The following KCNMA1 variants were observed in gnomAD, a reference collection of about 807,000 sequenced individuals.
KCNMA1 encodes potassium calcium-activated channel subfamily M alpha 1.
In KCNMA1, 29 loss-of-function variants were observed where a neutral mutation model predicts 140.0. The observed-to-expected ratio is 0.21, with a 90% CI of 0.15 to 0.28. The LOEUF (loss-of-function observed/expected upper bound fraction) is 0.28. KCNMA1 is among the 10% of genes least tolerant of loss of function. KCNMA1 has a pLI of 1.00. For synonymous variants in KCNMA1, 612 were observed against 611.9 expected, an observed-to-expected ratio of 1.00 and a Z score of 0.00; for missense variants, 880 against 1,602.2, an observed-to-expected ratio of 0.55 and a Z score of 7.70.
chr10:77,541,215 T>A (rs371180019), intron 1 of KCNMA1, among the ~76,000 whole-genome samples: 1 of 152,224 alleles, frequency 6.6e-6, no homozygotes, highest in East Asian at 1.9e-4. Context: ...TAAACGTACC[T>A]ATTAAAAGAC....
At chr10:77,235,428 C>G (rs2154214366) in intron 3 of KCNMA1, among the ~76,000 whole-genome samples, 1 of 152,226 alleles carries the variant, frequency 6.6e-6, no homozygotes. Flanking sequence ...CACAGAGGAC[C>G]ATTCATCAGG....
intron 6 of KCNMA1, among the ~76,000 whole-genome samples, chr10:77,114,400 G>A (rs2097400802): frequency 6.6e-6 from 1 of 152,190 alleles, no homozygotes; most frequent in Non-Finnish European, 1.5e-5. Context: ...CCTGAACGCT[G>A]CTGTCAGCAG....
chr10:77,239,591 G>A (rs1565429016), intron 3 of KCNMA1, among the ~76,000 whole-genome samples: 3 of 152,128 alleles, frequency 2.0e-5, no homozygotes, highest in African/African-American at 4.8e-5. Flanking sequence ...TGTCTTCCAC[G>A]GGGAAAAGAG....
At chr10:77,568,198 A>G (rs1011098001) in intron 1 of KCNMA1, among the ~76,000 whole-genome samples, 3 of 152,184 alleles carry the variant, frequency 2.0e-5, no homozygotes, top group African/African-American at 7.2e-5. Flanking sequence ...TATTCCAATC[A>G]ATAGAAAAAG....
intron 2 of KCNMA1, among the ~76,000 whole-genome samples, chr10:77,274,957 C>A (rs774251419): frequency 2.0e-5 from 3 of 152,196 alleles, no homozygotes; most frequent in Non-Finnish European, 4.4e-5. Flanking sequence ...TGGTGTCCAC[C>A]ATTCGGGCAG....
chr10:77,137,430 T>G (rs1418893375), intron 5 of KCNMA1, among the ~76,000 whole-genome samples: 1 of 152,184 alleles, frequency 6.6e-6, no homozygotes, highest in African/African-American at 2.4e-5. Flanking sequence ...TATCTGGCCT[T>G]GCAGCTCAGA....
At chr10:77,457,278 T>A (rs899251012) in intron 1 of KCNMA1, among the ~76,000 whole-genome samples, 14 of 152,172 alleles carry the variant, frequency 9.2e-5, no homozygotes, top group Non-Finnish European at 2.1e-4. Context: ...TTTGTTCTAT[T>A]CAGCAGGAAT....
At chr10:77,023,463 T>C (rs1297096129) in intron 16 of KCNMA1, among the ~76,000 whole-genome samples, 6 of 152,190 alleles carry the variant, frequency 3.9e-5, no homozygotes, top group African/African-American at 1.2e-4. Flanking sequence ...CTTGATAACG[T>C]AGTAATTATA....
intron 1 of KCNMA1, among the ~76,000 whole-genome samples, chr10:77,590,761 G>A (rs1298518148): frequency 1.3e-5 from 2 of 152,122 alleles, no homozygotes; most frequent in African/African-American, 4.8e-5. Flanking sequence ...CACTACCACC[G>A]CCAGATGCTA....
chr10:77,217,894 G>A (rs2048324951), intron 3 of KCNMA1, among the ~76,000 whole-genome samples: 1 of 152,170 alleles, frequency 6.6e-6, no homozygotes, highest in African/African-American at 2.4e-5. Flanking sequence ...AGGGATTCTT[G>A]ATGTGCAGGA....
At chr10:76,881,761 A>G (rs898748072), downstream of KCNMA1, among the ~76,000 whole-genome samples, 4 of 152,162 alleles carry the variant, frequency 2.6e-5, no homozygotes, top group Admixed American at 2.6e-4. Flanking sequence ...AGGGGTGTGT[A>G]TATCGGGGTG....
chr10:77,167,284 C>T (rs922409670), intron 5 of KCNMA1, among the ~76,000 whole-genome samples: 5 of 152,138 alleles, frequency 3.3e-5, no homozygotes, highest in African/African-American at 9.7e-5. Context: ...GTTCCATCCA[C>T]GGTGCCACAA....
intron 5 of KCNMA1, among the ~76,000 whole-genome samples, chr10:77,182,525 A>T (rs1470483624): frequency 6.6e-6 from 1 of 152,228 alleles, no homozygotes. Context: ...GGAGGCAGTG[A>T]TGGAGGCAAG....
At chr10:77,591,286 C>T (rs1053980381) in intron 1 of KCNMA1, among the ~76,000 whole-genome samples, 5 of 152,206 alleles carry the variant, frequency 3.3e-5, no homozygotes, top group Admixed American at 6.5e-5. Context: ...CACCACAGAT[C>T]GCATGTGGTG....
At chr10:77,188,489 A>T (rs2098901971) in intron 3 of KCNMA1, among the ~76,000 whole-genome samples, 1 of 152,202 alleles carries the variant, frequency 6.6e-6, no homozygotes, top group South Asian at 2.1e-4. Flanking sequence ...CTAAAACCAC[A>T]GGCAAATTTA....
intron 14 of KCNMA1, among the ~76,000 whole-genome samples, chr10:77,045,883 C>G (rs756634446): frequency 2.6e-5 from 4 of 152,224 alleles, no homozygotes; most frequent in Non-Finnish European, 4.4e-5. Context: ...AAGTCCACCT[C>G]TACCCGTGAA....
chr10:77,359,911 GAACA>G (rs1251187910), intron 2 of KCNMA1, among the ~76,000 whole-genome samples: 4 of 152,190 alleles, frequency 2.6e-5, no homozygotes, highest in Non-Finnish European at 5.9e-5. Flanking sequence ...TTCGCTGAAA[GAACA>G]AACGAATGCC....
chr10:77,026,426 A>G (rs1266793412), intron 16 of KCNMA1, among the ~76,000 whole-genome samples: 1 of 152,220 alleles, frequency 6.6e-6, no homozygotes, highest in Non-Finnish European at 1.5e-5. Flanking sequence ...CAGGATACAT[A>G]CAGTTCCCCT....
intron 2 of KCNMA1, among the ~76,000 whole-genome samples, chr10:77,273,386 T>C (rs2065734267): frequency 6.6e-6 from 1 of 152,192 alleles, no homozygotes; most frequent in South Asian, 2.1e-4. Flanking sequence ...GGCTAAATTA[T>C]TTTCTGAAGT....
Sources: allele counts gnomAD v4.1 joint callset (sites outside exome capture counted in the v4.1 genomes callset), GRCh38; gene constraint gnomAD v4.1.1; transcripts MANE v1.5; gene names NCBI Gene and HGNC (gene_info 2026-07-23, HGNC 2026-07-21).